The following ARHGEF18 variants were observed in gnomAD, a reference collection of about 807,000 sequenced individuals.
The protein encoded by ARHGEF18 is rho guanine nucleotide exchange factor 18.
ARHGEF18 carries 93 observed loss-of-function variants against 155.7 expected under a neutral mutation model. The ratio of observed to expected loss-of-function variants is 0.60; its 90% confidence interval spans 0.50 to 0.71. The LOEUF is 0.71. Among genes scored for constraint, ARHGEF18 ranks in the 30% least tolerant of loss-of-function variants. The probability of loss-of-function intolerance (pLI) is 0.00; values close to 1 mark genes in which losing one functional copy is unlikely to be tolerated. For synonymous variants in ARHGEF18, 742 were observed against 753.1 expected (o/e 0.99, Z 0.24); for missense variants, 1,593 against 1,816.1 (o/e 0.88, Z 2.23).
intron 18 of ARHGEF18, among the ~76,000 whole-genome samples, chr19:7,458,036 C>T (rs1412417494): frequency 6.6e-6 from 1 of 152,096 alleles, no homozygotes; most frequent in Admixed American, 6.5e-5. Flanking sequence ...CCTGTCATCT[C>T]AGCACTTTGG....
At chr19:7,385,873 C>T (rs1470385858) in intron 10 of ARHGEF18, among the ~76,000 whole-genome samples, 18 of 70,904 alleles carry the variant, frequency 2.5e-4, no homozygotes, top group East Asian at 1.4e-3. Context: ...CTCTCTCTCC[C>T]CCCTCCCTCT....
At chr19:7,385,871 C>CTCTCTCTCT (rs1568285796) in intron 10 of ARHGEF18, among the ~76,000 whole-genome samples, 1 of 66,678 alleles carries the variant, frequency 1.5e-5, no homozygotes, top group African/African-American at 1.0e-4. Context: ...CTCTCTCTCT[C>CTCTCTCTCT]CCCCCTCCCT....
chr19:7,431,529 A>AAAAAG (rs1973966690), intron 10 of ARHGEF18, among the ~76,000 whole-genome samples: 8 of 146,960 alleles, frequency 5.4e-5, no homozygotes, highest in South Asian at 2.2e-4. Context: ...AAAAAAAAAA[A>AAAAAG]AAAAGGCCGG....
intron 10 of ARHGEF18, among the ~76,000 whole-genome samples, chr19:7,385,915 CCTCTCTCTCT>C (rs150705901): frequency 5.9e-5 from 2 of 33,732 alleles, no homozygotes; most frequent in African/African-American, 5.6e-4. Context: ...TCCCTCTCTC[CCTCTCTCTCT>C]CTCTCTCTCT....
intron 16 of ARHGEF18, among the ~76,000 whole-genome samples, chr19:7,452,870 T>TCTGCATTCGATAGATGCTCTACCTAGG (rs1975575405): frequency 6.6e-6 from 1 of 151,870 alleles, no homozygotes; most frequent in Non-Finnish European, 1.5e-5. Context: ...CACCTTAGCT[T>TCTGCATTCGATAGATGCTCTACCTAGG]CTGCATTCGA....
chr19:7,425,186 C>G (rs1203010977), intron 10 of ARHGEF18, among the ~76,000 whole-genome samples: 3 of 152,018 alleles, frequency 2.0e-5, no homozygotes, highest in Non-Finnish European at 4.4e-5. Context: ...CAAGAATGTT[C>G]CACTTTGTTC....
chr19:7,381,815 C>T (rs377615625), intron 8 of ARHGEF18, among the ~76,000 whole-genome samples: 10 of 152,104 alleles, frequency 6.6e-5, no homozygotes, highest in African/African-American at 2.2e-4. Context: ...CTGGAGGTCC[C>T]TGAATCCCTC....
At chr19:7,396,651 G>A (rs927272155) in intron 10 of ARHGEF18, among the ~76,000 whole-genome samples, 2 of 151,690 alleles carry the variant, frequency 1.3e-5, no homozygotes, top group Non-Finnish European at 2.9e-5. Flanking sequence ...GGAGGCAGAA[G>A]TTGCAGTGAG....
At chr19:7,368,143 G>A (rs1970028057) in intron 2 of ARHGEF18, among the ~76,000 whole-genome samples, 1 of 151,684 alleles carries the variant, frequency 6.6e-6, no homozygotes, top group Admixed American at 6.6e-5. Context: ...TTATGCTTTG[G>A]TGTGTTATCT....
At chr19:7,423,750 G>A (rs1011384419) in intron 10 of ARHGEF18, among the ~76,000 whole-genome samples, 2 of 150,482 alleles carry the variant, frequency 1.3e-5, no homozygotes, top group Non-Finnish European at 2.9e-5. Flanking sequence ...ATTCAAACCC[G>A]TGTTCCACCT....
At chr19:7,416,309 G>A (rs1292326549) in intron 10 of ARHGEF18, among the ~76,000 whole-genome samples, 3 of 152,106 alleles carry the variant, frequency 2.0e-5, no homozygotes, top group Non-Finnish European at 4.4e-5. Flanking sequence ...GGGAGGCTGA[G>A]GCAGGAGGAT....
Position 7,453,513 on chromosome 19 carries a change from C to A in ARHGEF18, c.1902C>A (p.Ile634=). The change falls in exon 17 of 29, where the codon ATC becomes ATA. Residue 634 remains isoleucine, a synonymous_variant. Transcript: ENST00000668164. The part of the protein sequence containing the change: ...YEDLTQALNL[I]KDIISQVDAK... ...ACCTGACCCAGGCCTTGAACCTCAT[C>A]AAAGATATCATCTCACAAGTGGACG... 6.2e-7 allele frequency: 1 copy of A among 1,613,696 alleles called. No individual in the cohort carries two copies. Among genetic ancestry groups the A allele is most frequent in the South Asian group, 1.1e-5 (1 of 91,034 alleles).
intron 1 of ARHGEF18, among the ~76,000 whole-genome samples, chr19:7,354,355 C>T (rs907340786): frequency 6.6e-6 from 1 of 151,962 alleles, no homozygotes; most frequent in Non-Finnish European, 1.5e-5. Context: ...CCTGTTATCC[C>T]AGCACTTTGG....
chr19:7,472,508 TTTTA>T (rs1276633074), downstream of ARHGEF18: 1 of 161,310 alleles, frequency 6.2e-6, no homozygotes, highest in South Asian at 1.7e-4. Context: ...TTCTTGGAGG[TTTTA>T]TTTGAGGATT....
At chr19:7,478,843 C>T in the ARHGEF18 span, among the ~76,000 whole-genome samples, 410 of 152,334 alleles carry the variant, frequency 2.7e-3, 4 homozygotes, top group African/African-American at 9.5e-3. Context: ...ACACACACCC[C>T]GGACATTGGC....
chr19:7,477,477 C>A, downstream of ARHGEF18: 1 of 1,363,158 alleles, frequency 7.3e-7, no homozygotes. Context: ...ACGCTCACAC[C>A]TGCCTGCCCT....
At chr19:7,379,376 T>C (rs1044755858) in intron 7 of ARHGEF18, among the ~76,000 whole-genome samples, 3 of 151,750 alleles carry the variant, frequency 2.0e-5, no homozygotes. Context: ...CTGGCCAACA[T>C]GGCGAAACCT....
chr19:7,421,084 C>T (rs189792847), intron 10 of ARHGEF18, among the ~76,000 whole-genome samples: 18 of 152,058 alleles, frequency 1.2e-4, no homozygotes, highest in Admixed American at 1.1e-3. Flanking sequence ...GCGTGTGACA[C>T]CACACTCAGC....
chr19:7,387,646 T>A (rs1971160736), intron 10 of ARHGEF18, among the ~76,000 whole-genome samples: 1 of 152,074 alleles, frequency 6.6e-6, no homozygotes, highest in South Asian at 2.1e-4. Flanking sequence ...TGTATCACCT[T>A]CGGTGGTTCC....
Sources: allele counts gnomAD v4.1 joint callset (sites outside exome capture counted in the v4.1 genomes callset), GRCh38; gene constraint gnomAD v4.1.1; transcripts MANE v1.5; gene names NCBI Gene and HGNC (gene_info 2026-07-23, HGNC 2026-07-21).